The following PPP1R12A variants were observed in gnomAD, a reference collection of about 807,000 sequenced individuals.
PPP1R12A encodes myosin binding subunit.
PPP1R12A carries 19 observed loss-of-function variants against 139.6 expected under a neutral mutation model. The ratio of observed to expected loss-of-function variants is 0.14; its 90% CI spans 0.09 to 0.20. PPP1R12A has a LOEUF of 0.20. PPP1R12A is among the 10% of genes least tolerant of loss of function. The probability of loss-of-function intolerance (pLI) is 1.00; values close to 1 mark genes in which losing one functional copy is unlikely to be tolerated. For synonymous variants in PPP1R12A, 427 were observed against 420.6 expected (o/e 1.02, Z -0.19); for missense variants, 925 against 1,211.5 (o/e 0.76, Z 3.51).
At chr12:79,819,731 C>T (rs1875854306) in intron 8 of PPP1R12A, among the ~76,000 whole-genome samples, 1 of 152,070 alleles carries the variant, frequency 6.6e-6, no homozygotes, top group Admixed American at 6.6e-5. Flanking sequence ...TGCTTGAGGA[C>T]AGGAGTTCAA....
In PPP1R12A at chr12:79,774,177, C is replaced by G. The variant is rs887876740; in HGVS notation, c.*1752G>C. On this transcript the variant is annotated 3_prime_UTR_variant, in exon 25 of 25. Coordinates refer to ENST00000450142, the MANE Select transcript of PPP1R12A (RefSeq NM_002480.3). ...CCATGGAAATTCTCAATATTCAGAC[C>G]TACCATTCATACAGTTCAAATATAA... The G allele has an allele frequency of 2.0e-5, 3 of 152,186 alleles. No homozygotes were observed. Among genetic ancestry groups the G allele is most frequent in the African/African-American group, 7.2e-5 (3 of 41,548 alleles). The allele number at this position is 152,186 out of a possible 1,614,324, so 9.4% of individuals were successfully genotyped here.
intron 1 of PPP1R12A, among the ~76,000 whole-genome samples, chr12:79,911,656 T>C (rs1886575915): frequency 6.6e-6 from 1 of 152,148 alleles, no homozygotes; most frequent in South Asian, 2.1e-4. Context: ...CCTTGTTTAA[T>C]GGAGCATCTC....
At chr12:79,777,263 T>A (rs991344395) in intron 24 of PPP1R12A, 1 of 966,694 alleles carries the variant, frequency 1.0e-6, no homozygotes, top group African/African-American at 1.8e-5. Flanking sequence ...CTAAAAAATG[T>A]GCAAAAGCTT....
At chr12:79,876,256 C>G (rs1040904879) in intron 1 of PPP1R12A, among the ~76,000 whole-genome samples, 3 of 152,146 alleles carry the variant, frequency 2.0e-5, no homozygotes, top group Admixed American at 6.5e-5. Flanking sequence ...ACTATATATA[C>G]TTTGCTTACT....
intron 2 of PPP1R12A, among the ~76,000 whole-genome samples, chr12:79,861,994 G>A (rs959172494): frequency 3.3e-5 from 5 of 152,068 alleles, no homozygotes; most frequent in African/African-American, 9.7e-5. Flanking sequence ...CTCTGTAAAC[G>A]GACAGACTGC....
chr12:79,839,747 T>C (rs1009780688), intron 3 of PPP1R12A, among the ~76,000 whole-genome samples: 4 of 152,158 alleles, frequency 2.6e-5, no homozygotes, highest in Non-Finnish European at 4.4e-5. Context: ...CCTGATGTGT[T>C]TGCTTTCTCT....
rs189768365 is a variant in PPP1R12A at position 79,921,741 on chromosome 12, T to C, written c.237+12954A>G. Reference sequence around the variant, plus strand: ...CTATGTTTCTTGCATGAATGAGTTATTCACTAATTTAAATGAATAACAGCA... The same window carrying C: ...CTATGTTTCTTGCATGAATGAGTTACTCACTAATTTAAATGAATAACAGCA... On this transcript the variant is annotated intron_variant, in intron 1 of 24. Coordinates refer to ENST00000450142, the MANE Select transcript of PPP1R12A (RefSeq NM_002480.3). Among the ~76,000 whole-genome samples, 408 of 152,340 alleles carry C rather than the reference T, an allele frequency of 2.7e-3. 4 individuals are homozygous for C. The highest frequency in any genetic ancestry group is 0.025 in the Admixed American group (376 of 15,298).
chr12:79,935,328 C>T (rs1427074656), upstream of PPP1R12A: 4 of 1,029,608 alleles, frequency 3.9e-6, no homozygotes, highest in Non-Finnish European at 4.7e-6. Context: ...CGGGTGTGGC[C>T]CAGGCAGCGG....
At position 79,934,749 on chromosome 12, in the gene PPP1R12A, G is replaced by A; in HGVS notation, c.183C>T (p.His61=). The change falls in exon 1 of 25, where the codon CAC becomes CAT. Residue 61 remains histidine (H), a synonymous_variant. Coordinates refer to ENST00000450142, the MANE Select transcript of PPP1R12A (RefSeq NM_002480.3). ...GDTDEVLKLL[H]RGADINYANV... ...TGGCGTAATTGATGTCGGCGCCGCG[G>A]TGCAGCAGCTTGAGGACCTCGTCCG... 1 of 1,551,316 alleles carries A rather than the reference G, an allele frequency of 6.4e-7. No homozygotes were observed. The highest frequency in any genetic ancestry group is 1.2e-5 in the South Asian group (1 of 84,046).
At chr12:79,896,690 A>G (rs1270550340) in intron 1 of PPP1R12A, among the ~76,000 whole-genome samples, 1 of 152,174 alleles carries the variant, frequency 6.6e-6, no homozygotes, top group African/African-American at 2.4e-5. Flanking sequence ...GGGGTGAGTG[A>G]TGCCATCTCA....
chr12:79,892,798 C>T (rs1884777084), intron 1 of PPP1R12A, among the ~76,000 whole-genome samples: 2 of 151,938 alleles, frequency 1.3e-5, no homozygotes, highest in Non-Finnish European at 2.9e-5. Flanking sequence ...TACTGAATGG[C>T]AAATGTTAAT....
At chr12:79,873,496 T>TG (rs1555228206) in intron 1 of PPP1R12A, among the ~76,000 whole-genome samples, 2 of 134,784 alleles carry the variant, frequency 1.5e-5, no homozygotes, top group African/African-American at 5.6e-5. Context: ...ACTCATAATT[T>TG]AAAAAAAAAA....
rs143410977 is a variant in PPP1R12A, at chr12:79,781,356, TATTAA to T, written c.2955+454_2955+458del. On this transcript the variant is annotated intron_variant, in intron 23 of 24. Transcript: ENST00000450142. The stretch of plus-strand genomic sequence containing the variant: ...ATTTAAACTCAAAATTTTAAAAAAT[TATTAA>T]ATTAACTTTAAAAAGAATTTGAAAA... 9.8e-3 allele frequency among the ~76,000 whole-genome samples: 1,485 copies of T among 152,232 alleles called. 32 individuals are homozygous for T. Among genetic ancestry groups the T allele is most frequent in the African/African-American group, 0.034 (1,431 of 41,560 alleles).
intron 9 of PPP1R12A, 41 bp from the exon 10 acceptor site, chr12:79,810,051 G>C: frequency 6.9e-7 from 1 of 1,456,058 alleles, no homozygotes; most frequent in Non-Finnish European, 9.4e-7. Flanking sequence ...AAAAGAATTT[G>C]TAAAGCTGAT....
At chr12:79,895,904 G>A (rs1287646570) in intron 1 of PPP1R12A, among the ~76,000 whole-genome samples, 1 of 152,130 alleles carries the variant, frequency 6.6e-6, no homozygotes, top group Non-Finnish European at 1.5e-5. Flanking sequence ...TATTTTGTAG[G>A]AGCTCAGAGA....
chr12:79,863,541 A>C lies in PPP1R12A; in HGVS notation c.368+9267T>G, dbSNP rs1391236284. Among the ~76,000 whole-genome samples the C allele has an allele frequency of 2.0e-5, 3 of 151,506 alleles. No individual in the cohort carries two copies. In the East Asian group the frequency reaches 5.8e-4, roughly 29 times the overall value. Reference sequence around the variant, plus strand: ...GACTGGCAAATTGGATAAAGACTCAAGACCAATCAGTGTGCTGTATTCAGG... The same window carrying C: ...GACTGGCAAATTGGATAAAGACTCACGACCAATCAGTGTGCTGTATTCAGG... On this transcript the variant is annotated intron_variant, in intron 2 of 24. Transcript: ENST00000450142.
chr12:79,855,689 C>G (rs936014380), intron 2 of PPP1R12A, among the ~76,000 whole-genome samples: 5 of 151,034 alleles, frequency 3.3e-5, no homozygotes, highest in Admixed American at 2.0e-4. Context: ...TAACCAAACA[C>G]AAAATTATTT....
chr12:79,921,203 T>C (rs780386212), intron 1 of PPP1R12A, among the ~76,000 whole-genome samples: 1 of 152,072 alleles, frequency 6.6e-6, no homozygotes, highest in Admixed American at 6.6e-5. Context: ...ATGTACTGTA[T>C]GCAAGTGAGG....
At chr12:79,860,117 T>G (rs1881151814) in intron 2 of PPP1R12A, among the ~76,000 whole-genome samples, 1 of 152,158 alleles carries the variant, frequency 6.6e-6, no homozygotes, top group Admixed American at 6.5e-5. Flanking sequence ...ACACTAAAGC[T>G]ATTCAAGATA....
Sources: allele counts gnomAD v4.1 joint callset (sites outside exome capture counted in the v4.1 genomes callset), GRCh38; gene constraint gnomAD v4.1.1; transcripts MANE v1.5; gene names NCBI Gene and HGNC (gene_info 2026-07-23, HGNC 2026-07-21).